CSMD3: variants seen among roughly 807,000 people sequenced by gnomAD.
The protein encoded by CSMD3 is CUB and sushi domain-containing protein 3.
In CSMD3, 177 loss-of-function variants were observed where a neutral mutation model predicts 435.2. The observed-to-expected ratio is 0.41, with a 90% CI of 0.36 to 0.46. The LOEUF (loss-of-function observed/expected upper bound fraction) is 0.46, where lower values mean the gene tolerates loss of function less well. Ranked by LOEUF, CSMD3 falls within the 20% of genes least tolerant of loss-of-function variation. The pLI is 0.34. For synonymous variants in CSMD3, 1,656 were observed against 1,520.5 expected (o/e 1.09, Z -2.07); for missense variants, 4,265 against 4,504.6 (o/e 0.95, Z 1.52).
intron 3 of CSMD3, among the ~76,000 whole-genome samples, chr8:113,242,030 C>T (rs2093224405): frequency 1.3e-5 from 2 of 150,930 alleles, no homozygotes; most frequent in Admixed American, 1.3e-4. Context: ...ATATTAATAG[C>T]ATTATATTTT....
At chr8:113,320,672 T>C (rs2093943527) in intron 1 of CSMD3, among the ~76,000 whole-genome samples, 1 of 152,142 alleles carries the variant, frequency 6.6e-6, no homozygotes, top group South Asian at 2.1e-4. Flanking sequence ...TTGTTACGGC[T>C]AATCGTTGTT....
intron 6 of CSMD3, among the ~76,000 whole-genome samples, chr8:112,992,479 AAAG>A (rs1447723629): frequency 3.9e-5 from 6 of 151,904 alleles, no homozygotes; most frequent in Admixed American, 6.6e-5. Flanking sequence ...CTATCATCTC[AAAG>A]AAGGGGATAT....
At chr8:113,353,662 T>C (rs1339975656) in intron 1 of CSMD3, among the ~76,000 whole-genome samples, 16 of 152,188 alleles carry the variant, frequency 1.1e-4, no homozygotes, top group Non-Finnish European at 5.9e-5. Context: ...TCACGAGTTC[T>C]GCACAGTGAC....
intron 36 of CSMD3, among the ~76,000 whole-genome samples, chr8:112,387,633 T>C (rs1336253137): frequency 6.6e-6 from 1 of 152,136 alleles, no homozygotes; most frequent in East Asian, 1.9e-4. Context: ...TTACACACTA[T>C]ATGTTTGCTA....
At chr8:113,273,927 G>A (rs954220424) in intron 3 of CSMD3, among the ~76,000 whole-genome samples, 15 of 151,830 alleles carry the variant, frequency 9.9e-5, no homozygotes, top group African/African-American at 2.9e-4. Context: ...CTTATAAATT[G>A]GTAGCAATTG....
At chr8:113,163,562 C>T (rs2092087768) in intron 4 of CSMD3, among the ~76,000 whole-genome samples, 1 of 151,864 alleles carries the variant, frequency 6.6e-6, no homozygotes, top group African/African-American at 2.4e-5. Flanking sequence ...AGAAATTAGG[C>T]ATCCATTAAA....
At chr8:113,363,261 CTTAT>C (rs1227696487) in intron 1 of CSMD3, among the ~76,000 whole-genome samples, 1 of 122,024 alleles carries the variant, frequency 8.2e-6, no homozygotes, top group Non-Finnish European at 1.9e-5. Flanking sequence ...AAAAGCTTCT[CTTAT>C]TTATAGTTAA....
chr8:113,070,332 A>T (rs2089053941), intron 5 of CSMD3, among the ~76,000 whole-genome samples: 1 of 152,060 alleles, frequency 6.6e-6, no homozygotes, highest in Admixed American at 6.6e-5. Context: ...CCACCTCTAA[A>T]AAATCATTTG....
chr8:112,323,105 T>C (rs1823155536), intron 45 of CSMD3, among the ~76,000 whole-genome samples: 1 of 151,868 alleles, frequency 6.6e-6, no homozygotes, highest in African/African-American at 2.4e-5. Context: ...AGGGTTGAAC[T>C]ATGTAATTTT....
intron 11 of CSMD3, among the ~76,000 whole-genome samples, chr8:112,844,524 G>A (rs561984090): frequency 1.3e-5 from 2 of 152,084 alleles, no homozygotes; most frequent in African/African-American, 4.8e-5. Flanking sequence ...TATTTCTTAA[G>A]AGATAGCTTA....
At chr8:112,409,657 T>G (rs1022400161) in intron 32 of CSMD3, among the ~76,000 whole-genome samples, 1 of 152,004 alleles carries the variant, frequency 6.6e-6, no homozygotes, top group African/African-American at 2.4e-5. Context: ...TATCATAAAA[T>G]TTTGCAAAAT....
Position 113,168,843 on chromosome 8 carries a change from C to A in CSMD3, c.709+4879G>T, listed in dbSNP as rs2092214035. On this transcript the variant is annotated intron_variant, in intron 4 of 70. Coordinates refer to ENST00000297405, the MANE Select transcript of CSMD3 (RefSeq NM_198123.2). ...CTGATATCACATTTCAGCATTTACT[C>A]ATATGTAATTGGGACTTACTATGCA... 1.3e-5 allele frequency among the ~76,000 whole-genome samples: 2 copies of A among 151,986 alleles called. 1 individual carries two copies. Among genetic ancestry groups the A allele is most frequent in the South Asian group, 4.1e-4 (2 of 4,826 alleles).
At chr8:113,317,234 A>G (rs1012817547) in intron 1 of CSMD3, among the ~76,000 whole-genome samples, 9 of 152,224 alleles carry the variant, frequency 5.9e-5, no homozygotes, top group South Asian at 2.1e-4. Context: ...TTGCAGAGCA[A>G]TTACTTTGAA....
chr8:112,876,793 A>G (rs543670406), intron 10 of CSMD3, among the ~76,000 whole-genome samples: 3 of 152,294 alleles, frequency 2.0e-5, no homozygotes, highest in Non-Finnish European at 4.4e-5. Flanking sequence ...AAGAGTATTC[A>G]AATGGGAAGG....
intron 1 of CSMD3, among the ~76,000 whole-genome samples, chr8:113,321,350 T>C (rs2093948154): frequency 6.6e-6 from 1 of 152,144 alleles, no homozygotes; most frequent in Non-Finnish European, 1.5e-5. Flanking sequence ...GATTCTTAAA[T>C]TTCTTGAAGC....
chr8:113,394,232 A>T (rs905978991), intron 1 of CSMD3, among the ~76,000 whole-genome samples: 5 of 152,094 alleles, frequency 3.3e-5, no homozygotes, highest in African/African-American at 1.2e-4. Context: ...ATTCTGAGTT[A>T]AAGTTAAACA....
intron 27 of CSMD3, among the ~76,000 whole-genome samples, chr8:112,541,694 T>A (rs774726525): frequency 6.6e-6 from 1 of 151,860 alleles, no homozygotes; most frequent in East Asian, 1.9e-4. Context: ...TTAATTTCTA[T>A]CCTTCTCAAA....
intron 4 of CSMD3, among the ~76,000 whole-genome samples, chr8:113,108,857 T>G (rs2090558214): frequency 6.6e-6 from 1 of 152,226 alleles, no homozygotes; most frequent in Non-Finnish European, 1.5e-5. Context: ...ATGAATATGC[T>G]GTCTCCCAAA....
intron 3 of CSMD3, among the ~76,000 whole-genome samples, chr8:113,231,962 T>C (rs765844101): frequency 6.6e-6 from 1 of 151,452 alleles, no homozygotes; most frequent in African/African-American, 2.4e-5. Context: ...TGAGTAAAAA[T>C]ACAACACAGG....
Sources: allele counts gnomAD v4.1 joint callset (sites outside exome capture counted in the v4.1 genomes callset), GRCh38; gene constraint gnomAD v4.1.1; transcripts MANE v1.5; gene names NCBI Gene and HGNC (gene_info 2026-07-23, HGNC 2026-07-21).